TMEM182: variants seen among roughly 807,000 people sequenced by gnomAD.
The protein encoded by TMEM182 is transmembrane protein 182.
Under a neutral mutation model 26.8 loss-of-function variants are expected in TMEM182, and 20 were observed. That is an observed-to-expected ratio of 0.75 (90% confidence interval 0.53 to 1.09). TMEM182 has a LOEUF of 1.09. Ranked by LOEUF, TMEM182 falls within the 50% of genes least tolerant of loss-of-function variation. TMEM182 has a pLI of 0.00. For synonymous variants in TMEM182, 109 were observed against 102.2 expected, an observed-to-expected ratio of 1.07 and a Z score of -0.40; for missense variants, 277 against 275.5, an observed-to-expected ratio of 1.01 and a Z score of -0.04.
At position 102,815,996 on chromosome 2, in the gene TMEM182, T is replaced by C; in HGVS notation, c.*1028T>C. On this transcript the variant is annotated 3_prime_UTR_variant, in exon 5 of 5. Coordinates refer to ENST00000412401, the MANE Select transcript of TMEM182 (RefSeq NM_144632.5). ...GATCATTTGATTCCTTTAATTACTG[T>C]CCCTCAATTTCTTCATCTTTACAAT... is the stretch of plus-strand genomic sequence containing the variant. 4.1e-6 allele frequency: 4 copies of C among 984,962 alleles called. No homozygotes were observed. Among genetic ancestry groups the C allele is most frequent in the Non-Finnish European group, 4.8e-6 (4 of 829,506 alleles). The allele number at this position is 984,962 out of a possible 1,614,324, so 61.0% of individuals were successfully genotyped here.
chr2:102,805,408 T>C (rs1573556558), intron 4 of TMEM182, among the ~76,000 whole-genome samples: 1 of 152,218 alleles, frequency 6.6e-6, no homozygotes, highest in East Asian at 1.9e-4. Context: ...GAGAGAGCCA[T>C]TGCTTTCCTG....
At chr2:102,814,022 T>A (rs1212907459) in intron 4 of TMEM182, among the ~76,000 whole-genome samples, 1 of 152,004 alleles carries the variant, frequency 6.6e-6, no homozygotes, top group African/African-American at 2.4e-5. Context: ...TCTTTTATCA[T>A]CAATCTTCCT....
chr2:102,817,480 A>G lies in TMEM182; in HGVS notation c.*2512A>G. On this transcript the variant is annotated 3_prime_UTR_variant, in exon 5 of 5. Coordinates refer to ENST00000412401, the MANE Select transcript of TMEM182 (RefSeq NM_144632.5). ...AATTCACTCAGGTGGATGATTGCACATACATTGGAATTGGCTGGAGAGACT... is the reference window on the plus strand; with the variant it reads ...AATTCACTCAGGTGGATGATTGCACGTACATTGGAATTGGCTGGAGAGACT... The G allele has an allele frequency of 1.0e-6, 1 of 985,136 alleles. No homozygotes were observed. The highest frequency in any genetic ancestry group is 1.2e-6 in the Non-Finnish European group (1 of 829,852). The allele number at this position is 985,136 out of a possible 1,614,324, so 61.0% of individuals were successfully genotyped here.
chr2:102,753,388 G>T (rs918963162), intron 1 of TMEM182, among the ~76,000 whole-genome samples: 1 of 152,118 alleles, frequency 6.6e-6, no homozygotes. Flanking sequence ...AATTAATGAG[G>T]TGAATGAGCT....
At position 102,750,034 on chromosome 2, in the gene TMEM182, A is replaced by G. The variant is rs531185984; in HGVS notation, c.-82-8355A>G. On this transcript the variant is annotated intron_variant, in intron 1 of 5. Coordinates refer to the TMEM182 transcript ENST00000409173. ...CATATTAATTAATTTATAATAAATA[A>G]ATGTTTTTTTTTAAATGAAGCAGGA... Among the ~76,000 whole-genome samples, 181 of 151,942 alleles carry G rather than the reference A, an allele frequency of 1.2e-3. 1 individual carries two copies. Among genetic ancestry groups the G allele is most frequent in the Non-Finnish European group, 1.9e-3 (131 of 67,912 alleles).
At chr2:102,822,199 C>T (rs74678940), downstream of TMEM182, among the ~76,000 whole-genome samples, 1 of 152,162 alleles carries the variant, frequency 6.6e-6, no homozygotes, top group East Asian at 1.9e-4. Flanking sequence ...GAGATGCACA[C>T]TGGGGAGTCA....
chr2:102,762,403 A>G (rs1680250457), intron 1 of TMEM182, 54 bp downstream of exon 1: 1 of 1,605,772 alleles, frequency 6.2e-7, no homozygotes, highest in Non-Finnish European at 8.5e-7. Flanking sequence ...AGATACCCTT[A>G]TGTATGCTCT....
intron 3 of TMEM182, among the ~76,000 whole-genome samples, chr2:102,772,523 T>A (rs983923392): frequency 2.6e-5 from 4 of 152,086 alleles, no homozygotes; most frequent in African/African-American, 9.7e-5. Context: ...TCCCATGAGC[T>A]ATTTTGGAAG....
intron 3 of TMEM182, among the ~76,000 whole-genome samples, chr2:102,795,665 A>G (rs374983900): frequency 5.3e-5 from 8 of 152,112 alleles, no homozygotes; most frequent in Non-Finnish European, 7.4e-5. Context: ...TTTCCTGTGC[A>G]TGTGCAACTT....
chr2:102,776,799 C>A (rs1018569819), intron 3 of TMEM182, among the ~76,000 whole-genome samples: 1 of 152,120 alleles, frequency 6.6e-6, no homozygotes, highest in African/African-American at 2.4e-5. Context: ...TGTTCTATAT[C>A]CTTGTCAGCA....
chr2:102,772,506 C>G (rs1680720424), intron 3 of TMEM182, among the ~76,000 whole-genome samples: 1 of 152,024 alleles, frequency 6.6e-6, no homozygotes, highest in South Asian at 2.1e-4. Context: ...GAATGTGGGT[C>G]CTGCCATCCC....
In TMEM182 at chr2:102,815,540, G is replaced by C. The variant is rs555471110; in HGVS notation, c.*572G>C. Reference sequence around the variant, plus strand: ...AATGGGCCACAACAAACAAGACTGAGAGCATGTACTTATCTTGCTTTTTCA... The same window carrying C: ...AATGGGCCACAACAAACAAGACTGACAGCATGTACTTATCTTGCTTTTTCA... On this transcript the variant is annotated 3_prime_UTR_variant, in exon 5 of 5. Coordinates refer to ENST00000412401, the MANE Select transcript of TMEM182 (RefSeq NM_144632.5). 2.0e-6 allele frequency: 2 copies of C among 985,554 alleles called. No homozygotes were observed. The highest frequency in any genetic ancestry group is 2.4e-6 in the Non-Finnish European group (2 of 830,048). 61.1% of individuals were successfully genotyped at this position (985,554 alleles called of 1,614,324 possible).
At chr2:102,790,967 G>C (rs1681609932) in intron 3 of TMEM182, among the ~76,000 whole-genome samples, 2 of 151,574 alleles carry the variant, frequency 1.3e-5, no homozygotes, top group Admixed American at 1.3e-4. Context: ...ATGGAGTTTT[G>C]CTCTGTTGCC....
intron 3 of TMEM182, among the ~76,000 whole-genome samples, chr2:102,842,874 T>G (rs1229699726): frequency 2.0e-5 from 3 of 152,034 alleles, no homozygotes; most frequent in African/African-American, 7.2e-5. Flanking sequence ...CACCCTCCCT[T>G]TGGGTGGTTG....
intron 3 of TMEM182, among the ~76,000 whole-genome samples, chr2:102,833,528 A>G (rs1253893192): frequency 6.6e-6 from 1 of 152,222 alleles, no homozygotes; most frequent in East Asian, 1.9e-4. Context: ...CAAGGTTAAC[A>G]TCCCAGGAAA....
At chr2:102,833,192 T>A (rs1010038047) in intron 3 of TMEM182, among the ~76,000 whole-genome samples, 2 of 152,036 alleles carry the variant, frequency 1.3e-5, no homozygotes, top group African/African-American at 4.8e-5. Flanking sequence ...GAGAAGAGGG[T>A]TGCTGGCAGG....
chr2:102,764,608 T>C (rs1680354743), intron 3 of TMEM182, among the ~76,000 whole-genome samples, 181 bp downstream of exon 3: 1 of 152,184 alleles, frequency 6.6e-6, no homozygotes, highest in Admixed American at 6.5e-5. Flanking sequence ...TTAAAGAACA[T>C]AACTTTGATC....
chr2:102,837,380 C>T (rs771213885), intron 3 of TMEM182, among the ~76,000 whole-genome samples: 3 of 152,138 alleles, frequency 2.0e-5, no homozygotes, highest in African/African-American at 7.2e-5. Flanking sequence ...AAAGCATTGA[C>T]TAGATTCTAC....
At position 102,813,027 on chromosome 2, in the gene TMEM182, T is replaced by C. The variant is rs563602624; in HGVS notation, c.470-1721T>C. On this transcript the variant is annotated intron_variant, in intron 4 of 4. Transcript: ENST00000412401. Reference sequence around the variant, plus strand: ...CTGTGGCTTTACTATTTCTCTGTGATTAGTTGTTTCTCAGTGGCTATATTG... The same window carrying C: ...CTGTGGCTTTACTATTTCTCTGTGACTAGTTGTTTCTCAGTGGCTATATTG... 5.3e-5 allele frequency among the ~76,000 whole-genome samples: 8 copies of C among 152,314 alleles called. No homozygotes were observed. In the East Asian group the frequency reaches 1.3e-3, roughly 26 times the overall value.
Sources: allele counts gnomAD v4.1 joint callset (sites outside exome capture counted in the v4.1 genomes callset), GRCh38; gene constraint gnomAD v4.1.1; transcripts MANE v1.5; gene names NCBI Gene and HGNC (gene_info 2026-07-23, HGNC 2026-07-21).